SGK3: variants seen among roughly 807,000 people sequenced by gnomAD.
SGK3 encodes the protein serum/glucocorticoid regulated kinase family member 3.
In SGK3, 47 loss-of-function variants were observed where a neutral mutation model predicts 68.5. The observed-to-expected ratio is 0.69, with a 90% CI of 0.54 to 0.87. The LOEUF is 0.87. Among genes scored for constraint, SGK3 ranks in the 40% least tolerant of loss-of-function variants. The probability of loss-of-function intolerance (pLI) is 0.00; values close to 1 mark genes in which losing one functional copy is unlikely to be tolerated. For missense variants in SGK3, 479 were observed against 575.5 expected (o/e 0.83, Z 1.72); for synonymous variants, 181 against 189.1 (o/e 0.96, Z 0.35).
chr8:66,773,836 G>A (rs947338677), intron 1 of SGK3, among the ~76,000 whole-genome samples: 6 of 152,080 alleles, frequency 3.9e-5, no homozygotes, highest in East Asian at 1.9e-4. Context: ...TTTAAAACTC[G>A]TTTATTTCTA....
chr8:66,824,287 T>C (rs1808966253), intron 6 of SGK3, among the ~76,000 whole-genome samples: 1 of 152,106 alleles, frequency 6.6e-6, no homozygotes. Flanking sequence ...ATAACGTCTG[T>C]GTGAAAAGCC....
chr8:66,728,346 G>A (rs1331279813), intron 1 of SGK3, among the ~76,000 whole-genome samples: 1 of 147,336 alleles, frequency 6.8e-6, no homozygotes, highest in African/African-American at 2.5e-5. Context: ...TTTTTTCCAA[G>A]ATGGAGTTTC....
At chr8:66,816,484 T>C (rs1216693223) in intron 5 of SGK3, among the ~76,000 whole-genome samples, 1 of 151,684 alleles carries the variant, frequency 6.6e-6, no homozygotes, top group Admixed American at 6.6e-5. Flanking sequence ...TGGATGGGAT[T>C]ACAGGTGCGC....
intron 10 of SGK3, among the ~76,000 whole-genome samples, chr8:66,838,251 A>G (rs1809619871): frequency 6.6e-6 from 1 of 152,132 alleles, no homozygotes; most frequent in Non-Finnish European, 1.5e-5. Flanking sequence ...TTTTTAGTAG[A>G]GACGGGGTTT....
chr8:66,842,017 C>A (rs1435695049), intron 13 of SGK3, among the ~76,000 whole-genome samples: 1 of 151,820 alleles, frequency 6.6e-6, no homozygotes, highest in Non-Finnish European at 1.5e-5. Context: ...TGGCTTCTAA[C>A]TGAGTTCAGA....
chr8:66,749,346 T>C (rs1164972285), intron 1 of SGK3, among the ~76,000 whole-genome samples: 1 of 152,068 alleles, frequency 6.6e-6, no homozygotes, highest in African/African-American at 2.4e-5. Flanking sequence ...ACTCCATCTC[T>C]ACCCACTACA....
rs552492445 is a variant in SGK3 at position 66,795,020 on chromosome 8, G to C, written c.96+1188G>C. On this transcript the variant is annotated intron_variant, in intron 2 of 16. Coordinates refer to ENST00000521198, the MANE Select transcript of SGK3 (RefSeq NM_001033578.3). ...TAGCTGTAGAGCCCCCTGAGGCTCT[G>C]ACATGTCCTTCACCTGCTCCTGGCT... Among the ~76,000 whole-genome samples the C allele has an allele frequency of 2.0e-5, 3 of 152,312 alleles. No individual in the cohort carries two copies. The South Asian group carries it at 6.2e-4, about 32-fold the overall frequency.
At chr8:66,840,624 TG>T (rs1809761897) in intron 12 of SGK3, 1 of 211,094 alleles carries the variant, frequency 4.7e-6, no homozygotes, top group Non-Finnish European at 9.3e-6. Flanking sequence ...CAATTTCATA[TG>T]GATCTATAAT....
At chr8:66,744,503 ATATATATATATATATAT>A (rs1477748905) in intron 1 of SGK3, among the ~76,000 whole-genome samples, 1 of 21,444 alleles carries the variant, frequency 4.7e-5, no homozygotes, top group East Asian at 1.2e-3. Flanking sequence ...ATATATATAT[ATATATATATATATATAT>A]TTTTTTTTTT....
chr8:66,846,798 C>G (rs1810042447), intron 14 of SGK3, among the ~76,000 whole-genome samples: 1 of 152,144 alleles, frequency 6.6e-6, no homozygotes, highest in Non-Finnish European at 1.5e-5. Context: ...TACTAGAAAT[C>G]CCTTTGTTTC....
At chr8:66,753,787 C>G (rs1805897693) in intron 1 of SGK3, among the ~76,000 whole-genome samples, 1 of 152,050 alleles carries the variant, frequency 6.6e-6, no homozygotes, top group Admixed American at 6.6e-5. Context: ...CCATTGCACT[C>G]CAGCTTGGGC....
chr8:66,771,358 A>G (rs1806505244), intron 1 of SGK3, among the ~76,000 whole-genome samples: 1 of 152,218 alleles, frequency 6.6e-6, no homozygotes, highest in African/African-American at 2.4e-5. Context: ...CCTGAAATGT[A>G]CTATTGACAT....
At chr8:66,771,115 TCAGAAGTCCCC>T (rs1192862176) in intron 1 of SGK3, among the ~76,000 whole-genome samples, 1 of 152,208 alleles carries the variant, frequency 6.6e-6, no homozygotes, top group Non-Finnish European at 1.5e-5. Context: ...TTGGCTGGAT[TCAGAAGTCCCC>T]TAAGGCCCCA....
intron 1 of SGK3, among the ~76,000 whole-genome samples, chr8:66,722,825 A>C (rs927263436): frequency 5.3e-5 from 8 of 152,116 alleles, no homozygotes; most frequent in African/African-American, 1.7e-4. Context: ...ATTGCAGAAC[A>C]TGAAGGGGGA....
At chr8:66,754,985 G>A (rs190218508) in intron 1 of SGK3, among the ~76,000 whole-genome samples, 24 of 152,340 alleles carry the variant, frequency 1.6e-4, no homozygotes, top group Admixed American at 6.5e-4. Context: ...AAGGCCAGGC[G>A]TGGTGGGTCA....
At chr8:66,716,347 CA>C (rs1804630658) in intron 1 of SGK3, among the ~76,000 whole-genome samples, 1 of 152,116 alleles carries the variant, frequency 6.6e-6, no homozygotes, top group Non-Finnish European at 1.5e-5. Flanking sequence ...TGTTGAAGGC[CA>C]ATTCAAAGCG....
At chr8:66,762,508 C>T (rs973043883) in intron 1 of SGK3, among the ~76,000 whole-genome samples, 6 of 151,696 alleles carry the variant, frequency 4.0e-5, no homozygotes, top group South Asian at 2.1e-4. Context: ...GGAGTGAGAC[C>T]GCGTCTCAAA....
intron 8 of SGK3, among the ~76,000 whole-genome samples, chr8:66,832,196 G>A (rs775804956): frequency 1.6e-4 from 25 of 152,286 alleles, no homozygotes; most frequent in Non-Finnish European, 2.9e-4. Context: ...GATGAATCAT[G>A]TAACTTGACA....
At chr8:66,751,948 A>G (rs1805830560) in intron 1 of SGK3, among the ~76,000 whole-genome samples, 1 of 151,996 alleles carries the variant, frequency 6.6e-6, no homozygotes, top group Non-Finnish European at 1.5e-5. Flanking sequence ...TATTTTTAGT[A>G]GAGATGGGGT....
Sources: gnomAD v4.1 joint callset for allele counts (sites outside exome capture counted in the v4.1 genomes callset) on GRCh38, gnomAD v4.1.1 for gene constraint, MANE v1.5 for transcripts, NCBI Gene and HGNC (gene_info 2026-07-23, HGNC 2026-07-21) for gene names.